Variants in DYNC1I2 observed in about 807,000 individuals in gnomAD.
DYNC1I2 encodes cytoplasmic dynein 1 intermediate chain 2.
A neutral mutation model predicts 88.6 loss-of-function variants in DYNC1I2; 53 were observed. That is an observed-to-expected ratio of 0.60 (90% CI 0.48 to 0.75). The LOEUF (loss-of-function observed/expected upper bound fraction) is 0.75, where lower values mean the gene tolerates loss of function less well. DYNC1I2 is among the 30% of genes least tolerant of loss of function. DYNC1I2 has a pLI of 0.00. For synonymous variants in DYNC1I2, 198 were observed against 254.6 expected, an observed-to-expected ratio of 0.78 and a Z score of 2.12; for missense variants, 458 against 766.6, an observed-to-expected ratio of 0.60 and a Z score of 4.75.
chr2:171,719,784 C>T (rs1386656261), intron 7 of DYNC1I2, among the ~76,000 whole-genome samples: 2 of 152,148 alleles, frequency 1.3e-5, no homozygotes, highest in African/African-American at 4.8e-5. Flanking sequence ...CCAGTTTACT[C>T]TGTAAGTTGG....
chr2:171,710,311 T>G (rs1301164160), intron 5 of DYNC1I2, among the ~76,000 whole-genome samples: 3 of 152,158 alleles, frequency 2.0e-5, no homozygotes, highest in Admixed American at 1.3e-4. Context: ...GAATGAAACC[T>G]AATGAACTCA....
chr2:171,696,994 AATTATT>A lies in DYNC1I2; in HGVS notation c.226+4116_226+4121del, dbSNP rs538863433. Among the ~76,000 whole-genome samples the A allele has an allele frequency of 1.2e-3, 185 of 150,798 alleles. 2 individuals carry two copies. The highest frequency in any genetic ancestry group is 4.3e-3 in the African/African-American group (175 of 41,132). On this transcript the variant is annotated intron_variant, in intron 3 of 17. Coordinates refer to ENST00000397119, the MANE Select transcript of DYNC1I2 (RefSeq NM_001378.3). ...ATTGCTATATGTTTTTATTTTTCTT[AATTATT>A]ATTATTATTATTATTTTTGAGACAA...
chr2:171,691,498 A>G (rs1368954970), intron 2 of DYNC1I2, among the ~76,000 whole-genome samples: 2 of 152,240 alleles, frequency 1.3e-5, no homozygotes, highest in Non-Finnish European at 2.9e-5. Flanking sequence ...TAAGTAGTAG[A>G]AAAGTTGAAG....
At chr2:171,712,589 T>C (rs1022646060) in intron 5 of DYNC1I2, 178 bp from the exon 6 acceptor site, 1 of 560,060 alleles carries the variant, frequency 1.8e-6, no homozygotes, top group Non-Finnish European at 3.2e-6. Flanking sequence ...CACTAGATGA[T>C]TGAGTGACCT....
intron 15 of DYNC1I2, among the ~76,000 whole-genome samples, chr2:171,734,038 A>G (rs1470820308): frequency 1.3e-5 from 2 of 152,116 alleles, no homozygotes; most frequent in African/African-American, 2.4e-5. Context: ...TCCCAGCACC[A>G]TTGTTAAACA....
chr2:171,694,618 T>C (rs1685627648), intron 3 of DYNC1I2, among the ~76,000 whole-genome samples: 1 of 152,076 alleles, frequency 6.6e-6, no homozygotes, highest in South Asian at 2.1e-4. Context: ...GATCTGGCTA[T>C]TGCACTCCAG....
In DYNC1I2 at chr2:171,703,729, CA is replaced by C. The variant is rs1380645551; in HGVS notation, c.227-2810del. Among the ~76,000 whole-genome samples the C allele has an allele frequency of 2.0e-5, 3 of 151,004 alleles. No homozygotes were observed. The South Asian group carries it at 6.3e-4, about 32-fold the overall frequency. On this transcript the variant is annotated intron_variant, in intron 3 of 17. Coordinates refer to ENST00000397119, the MANE Select transcript of DYNC1I2 (RefSeq NM_001378.3). Reference sequence around the variant, plus strand: ...TTTAAAGTAACATCTTTCAGAAGGTCAAAAAAAAGTAAGGTATGAAAAATAG... The same window carrying C: ...TTTAAAGTAACATCTTTCAGAAGGTCAAAAAAAGTAAGGTATGAAAAATAG...
At chr2:171,702,840 G>A (rs1686372502) in intron 3 of DYNC1I2, among the ~76,000 whole-genome samples, 1 of 151,828 alleles carries the variant, frequency 6.6e-6, no homozygotes, top group Non-Finnish European at 1.5e-5. Flanking sequence ...AGCCTCCCAA[G>A]TAGCTTGGAC....
At chr2:171,726,109 C>T (rs62184167) in intron 9 of DYNC1I2, 28 bp downstream of exon 9, 32,960 of 1,559,406 alleles carry the variant, frequency 0.021, 434 homozygotes, top group South Asian at 0.042. Context: ...AGATTTTTAG[C>T]TTCAATAATG....
intron 7 of DYNC1I2, among the ~76,000 whole-genome samples, chr2:171,717,991 T>C (rs1365084171): frequency 6.6e-6 from 1 of 151,570 alleles, no homozygotes; most frequent in Admixed American, 6.6e-5. Context: ...GAGTCTCTCT[T>C]TGTTGCCCAG....
intron 15 of DYNC1I2, among the ~76,000 whole-genome samples, chr2:171,735,961 G>GA (rs1559403138): frequency 6.6e-6 from 1 of 152,150 alleles, no homozygotes; most frequent in Non-Finnish European, 1.5e-5. Context: ...TAATTTCTTG[G>GA]AAGGGGGAGT....
intron 4 of DYNC1I2, chr2:171,706,938 A>C: frequency 2.3e-6 from 1 of 427,248 alleles, no homozygotes; most frequent in Non-Finnish European, 4.1e-6. Context: ...ATTAAAAGTG[A>C]AAAGTTACAA....
At chr2:171,731,348 T>C (rs2105716432) in intron 15 of DYNC1I2, among the ~76,000 whole-genome samples, 2 of 152,274 alleles carry the variant, frequency 1.3e-5, no homozygotes, top group Middle Eastern at 6.8e-3. Flanking sequence ...GGCATGACAC[T>C]CAAAGGAAAC....
chr2:171,707,610 C>T (rs756293317), intron 5 of DYNC1I2, among the ~76,000 whole-genome samples: 29 of 151,678 alleles, frequency 1.9e-4, no homozygotes, highest in African/African-American at 4.4e-4. Context: ...AATAGTCAAC[C>T]GGTTTTATGC....
chr2:171,715,526 TTTG>T, intron 7 of DYNC1I2, 83 bp downstream of exon 7: 3 of 971,960 alleles, frequency 3.1e-6, no homozygotes, highest in Non-Finnish European at 1.5e-6. Flanking sequence ...TGATTTTTGT[TTTG>T]TTTCTTTTTT....
At chr2:171,713,699 C>T (rs1050587937) in intron 6 of DYNC1I2, among the ~76,000 whole-genome samples, 1 of 152,086 alleles carries the variant, frequency 6.6e-6, no homozygotes, top group East Asian at 1.9e-4. Flanking sequence ...CCCTTTTCCC[C>T]TGATAATTTA....
In DYNC1I2 at chr2:171,694,229, G is replaced by T. The variant is rs531622293; in HGVS notation, c.226+1335G>T. On this transcript the variant is annotated intron_variant, in intron 3 of 17. Coordinates refer to ENST00000397119, the MANE Select transcript of DYNC1I2 (RefSeq NM_001378.3). The stretch of plus-strand genomic sequence containing the variant: ...TTTTTGTACTTTTAGTAGAGACAGG[G>T]TTTCACCATATTGGCCAGGCTGGTC... 9.2e-5 allele frequency among the ~76,000 whole-genome samples: 14 copies of T among 151,786 alleles called. No individual in the cohort carries two copies. The South Asian group carries it at 2.5e-3, about 27-fold the overall frequency.
intron 3 of DYNC1I2, among the ~76,000 whole-genome samples, chr2:171,696,305 C>T (rs1210553289): frequency 6.6e-6 from 1 of 152,142 alleles, no homozygotes; most frequent in Admixed American, 6.5e-5. Context: ...ACACTTTAAG[C>T]ACCAACATGA....
intron 15 of DYNC1I2, among the ~76,000 whole-genome samples, chr2:171,738,878 G>A (rs569514062): frequency 1.3e-5 from 2 of 152,204 alleles, no homozygotes; most frequent in South Asian, 4.2e-4. Flanking sequence ...GCCAGGCATG[G>A]TGGCTCACGC....
Sources: allele counts gnomAD v4.1 joint callset (sites outside exome capture counted in the v4.1 genomes callset), GRCh38; gene constraint gnomAD v4.1.1; transcripts MANE v1.5; gene names NCBI Gene and HGNC (gene_info 2026-07-23, HGNC 2026-07-21).